Variants in CTNNA3 observed in about 807,000 individuals in gnomAD.
CTNNA3 encodes the protein catenin alpha-3.
In CTNNA3, 76 loss-of-function variants were observed where a neutral mutation model predicts 95.7. The observed-to-expected ratio is 0.79, with a 90% CI of 0.66 to 0.96. CTNNA3 has a LOEUF of 0.96. Ranked by LOEUF, CTNNA3 falls within the 40% of genes least tolerant of loss-of-function variation. The pLI, the probability that CTNNA3 is intolerant of heterozygous loss-of-function variation, is 0.00. For missense variants in CTNNA3, 1,191 were observed against 1,089.8 expected, an observed-to-expected ratio of 1.09 and a Z score of -1.31; for synonymous variants, 431 against 374.4, an observed-to-expected ratio of 1.15 and a Z score of -1.74.
At chr10:66,404,121 T>C (rs1047460496) in intron 11 of CTNNA3, among the ~76,000 whole-genome samples, 3 of 152,142 alleles carry the variant, frequency 2.0e-5, no homozygotes, top group Non-Finnish European at 2.9e-5. Flanking sequence ...CCAACTGGAC[T>C]CATGACTCTT....
chr10:66,142,386 T>C (rs2083663703), intron 13 of CTNNA3, among the ~76,000 whole-genome samples: 2 of 152,162 alleles, frequency 1.3e-5, no homozygotes, highest in Admixed American at 6.5e-5. Context: ...ATTTGACCAG[T>C]ATGACACTGT....
chr10:67,019,037 A>G (rs1852828673), intron 7 of CTNNA3, among the ~76,000 whole-genome samples: 1 of 152,194 alleles, frequency 6.6e-6, no homozygotes, highest in South Asian at 2.1e-4. Flanking sequence ...TCCATTCACT[A>G]TTACATATCT....
intron 11 of CTNNA3, among the ~76,000 whole-genome samples, chr10:66,454,063 G>C (rs1236663586): frequency 6.6e-6 from 1 of 151,982 alleles, no homozygotes; most frequent in Non-Finnish European, 1.5e-5. Context: ...TGAGTTGTGA[G>C]AACTCAACCA....
chr10:66,267,683 C>T (rs1341032428), intron 13 of CTNNA3, among the ~76,000 whole-genome samples: 2 of 152,096 alleles, frequency 1.3e-5, no homozygotes, highest in African/African-American at 2.4e-5. Context: ...AATTACTTCT[C>T]AATATGATGT....
intron 5 of CTNNA3, among the ~76,000 whole-genome samples, chr10:67,442,861 T>C (rs1453044686): frequency 6.6e-6 from 1 of 151,614 alleles, no homozygotes; most frequent in Admixed American, 6.6e-5. Context: ...TAGTTACATA[T>C]GTATACATGT....
At chr10:67,111,364 T>G (rs1858900777) in intron 7 of CTNNA3, among the ~76,000 whole-genome samples, 1 of 152,128 alleles carries the variant, frequency 6.6e-6, no homozygotes, top group African/African-American at 2.4e-5. Flanking sequence ...GCCTTTCTTT[T>G]TATCAATAGA....
At chr10:66,913,252 A>AC (rs200409821) in intron 7 of CTNNA3, among the ~76,000 whole-genome samples, 1 of 149,684 alleles carries the variant, frequency 6.7e-6, no homozygotes. Context: ...AAAAAAAAAA[A>AC]AAAAAAAAAA....
intron 9 of CTNNA3, among the ~76,000 whole-genome samples, chr10:66,649,732 CA>C (rs1157821418): frequency 9.2e-5 from 14 of 152,214 alleles, no homozygotes; most frequent in Admixed American, 8.5e-4. Context: ...AGGCTGACCC[CA>C]GCAGCCCTAG....
intron 7 of CTNNA3, among the ~76,000 whole-genome samples, chr10:66,902,309 A>G (rs1358571268): frequency 6.6e-6 from 1 of 152,222 alleles, no homozygotes; most frequent in Non-Finnish European, 1.5e-5. Context: ...TGAAGGCAGA[A>G]ATAAAGATGT....
chr10:66,320,617 TG>T (rs2092168838), intron 12 of CTNNA3, among the ~76,000 whole-genome samples: 1 of 152,108 alleles, frequency 6.6e-6, no homozygotes, highest in Non-Finnish European at 1.5e-5. Flanking sequence ...GTGCAGGTCT[TG>T]GTTCTCTCAT....
At chr10:67,611,368 C>T (rs1332083648) in intron 2 of CTNNA3, among the ~76,000 whole-genome samples, 2 of 151,760 alleles carry the variant, frequency 1.3e-5, no homozygotes, top group Non-Finnish European at 2.9e-5. Context: ...GGCTGGAGTG[C>T]CGTGGCACGA....
intron 5 of CTNNA3, among the ~76,000 whole-genome samples, chr10:67,371,018 C>T (rs1388267787): frequency 2.7e-5 from 4 of 150,844 alleles, no homozygotes; most frequent in East Asian, 1.9e-4. Flanking sequence ...AGGCGCCCGC[C>T]GCTACGCCCG....
chr10:67,118,300 T>G (rs1859288321), intron 7 of CTNNA3, among the ~76,000 whole-genome samples: 1 of 151,994 alleles, frequency 6.6e-6, no homozygotes, highest in Admixed American at 6.6e-5. Flanking sequence ...ATCTGGTGTC[T>G]TAGCTGGTGA....
At chr10:67,420,475 T>C (rs1374986004) in intron 5 of CTNNA3, among the ~76,000 whole-genome samples, 1 of 152,094 alleles carries the variant, frequency 6.6e-6, no homozygotes, top group Non-Finnish European at 1.5e-5. Context: ...CTGCATGACA[T>C]TGGAGAGTAC....
At chr10:66,655,587 A>G (rs894682349) in intron 9 of CTNNA3, among the ~76,000 whole-genome samples, 2 of 152,084 alleles carry the variant, frequency 1.3e-5, no homozygotes, top group Non-Finnish European at 2.9e-5. Context: ...GAATGAATGC[A>G]GTATGATTAA....
intron 7 of CTNNA3, among the ~76,000 whole-genome samples, chr10:66,939,495 C>A (rs1847886897): frequency 1.3e-5 from 2 of 152,044 alleles, no homozygotes; most frequent in African/African-American, 2.4e-5. Context: ...GGGAAAAATT[C>A]TATTTGTATT....
intron 11 of CTNNA3, among the ~76,000 whole-genome samples, chr10:66,443,210 T>C (rs1409217743): frequency 6.6e-6 from 1 of 152,192 alleles, no homozygotes; most frequent in African/African-American, 2.4e-5. Context: ...TGCCTGCCTC[T>C]GTAGGCTCCA....
At chr10:67,295,050 T>C (rs1422336865) in intron 5 of CTNNA3, among the ~76,000 whole-genome samples, 3 of 152,198 alleles carry the variant, frequency 2.0e-5, no homozygotes, top group African/African-American at 7.2e-5. Flanking sequence ...AAGATGCTAA[T>C]ACTAAAAACA....
intron 7 of CTNNA3, among the ~76,000 whole-genome samples, chr10:67,000,740 C>T (rs925885733): frequency 6.6e-6 from 1 of 152,050 alleles, no homozygotes; most frequent in Admixed American, 6.6e-5. Flanking sequence ...ACAAGTCCTC[C>T]CTCACCCCAC....
Sources: gnomAD v4.1 joint callset for allele counts (sites outside exome capture counted in the v4.1 genomes callset) on GRCh38, gnomAD v4.1.1 for gene constraint, MANE v1.5 for transcripts, NCBI Gene and HGNC (gene_info 2026-07-23, HGNC 2026-07-21) for gene names.